NRF1: variants seen among roughly 807,000 people sequenced by gnomAD.
The protein encoded by NRF1 is nuclear respiratory factor 1.
A neutral mutation model predicts 58.5 loss-of-function variants in NRF1; 5 were observed. The ratio of observed to expected loss-of-function variants is 0.09; its 90% CI spans 0.04 to 0.18. The LOEUF is 0.18. Ranked by LOEUF, NRF1 falls within the 10% of genes least tolerant of loss-of-function variation. The probability of loss-of-function intolerance (pLI) is 1.00; values close to 1 mark genes in which losing one functional copy is unlikely to be tolerated. For missense variants in NRF1, 288 were observed against 657.7 expected, an observed-to-expected ratio of 0.44 and a Z score of 6.15; for synonymous variants, 224 against 246.7, an observed-to-expected ratio of 0.91 and a Z score of 0.86.
In NRF1 at chr7:129,611,764, G is replaced by A; in HGVS notation, c.-67G>A. The A allele has an allele frequency of 3.3e-6, 1 of 300,854 alleles. No homozygotes were observed. Among genetic ancestry groups the A allele is most frequent in the Non-Finnish European group, 6.1e-6 (1 of 163,374 alleles). The allele number at this position is 300,854 out of a possible 1,614,324, so 18.6% of individuals were successfully genotyped here. On this transcript the variant is annotated 5_prime_UTR_variant, in exon 1 of 11. Transcript: ENST00000393232. ...ATTGCCGCTGGTGGCAGGAGGCTGC[G>A]AGGAGCCGGCGCGGTCGCAGTCTCC... is the stretch of plus-strand genomic sequence containing the variant.
rs529908563 is a variant in NRF1 at position 129,697,294 on chromosome 7, A to G, written c.606+6748A>G. Among the ~76,000 whole-genome samples, 91 of 152,148 alleles carry G rather than the reference A, an allele frequency of 6.0e-4. 2 individuals are homozygous for G. The South Asian group carries it at 0.016, about 26-fold the overall frequency. On this transcript the variant is annotated intron_variant, in intron 5 of 10. Transcript: ENST00000393232. Reference sequence around the variant, plus strand: ...CGCGGTGGCTCACGCATGTAATCCCAGCACTTTGGGAGGCTGAGGTGGGCA... The same window carrying G: ...CGCGGTGGCTCACGCATGTAATCCCGGCACTTTGGGAGGCTGAGGTGGGCA...
intron 1 of NRF1, among the ~76,000 whole-genome samples, chr7:129,612,126 G>C (rs1466748303): frequency 6.6e-6 from 1 of 150,532 alleles, no homozygotes; most frequent in East Asian, 1.9e-4. Context: ...TGGGGCTCTC[G>C]GGGCCGCGGC....
chr7:129,718,899 A>C (rs1803251430), intron 9 of NRF1, among the ~76,000 whole-genome samples: 1 of 152,238 alleles, frequency 6.6e-6, no homozygotes, highest in South Asian at 2.1e-4. Context: ...GATAAGACTC[A>C]TCACACAGAA....
chr7:129,674,366 A>G lies in NRF1; in HGVS notation c.338+2823A>G, dbSNP rs899167683. Among the ~76,000 whole-genome samples, 11 of 152,092 alleles carry G rather than the reference A, an allele frequency of 7.2e-5. 1 individual carries two copies. The highest frequency in any genetic ancestry group is 3.9e-4 in the Admixed American group (6 of 15,266). On this transcript the variant is annotated intron_variant, in intron 3 of 10. Transcript: ENST00000393232. ...CAGTACATAAAAAAGTTGTGTTAAC[A>G]CTATACTCTGTTAAGTGTTGCAGTG...
chr7:129,727,924 T>G (rs992561704), intron 10 of NRF1, among the ~76,000 whole-genome samples: 3 of 152,194 alleles, frequency 2.0e-5, no homozygotes, highest in African/African-American at 7.2e-5. Context: ...ACCCTGAGCT[T>G]CTTCCCCAGC....
chr7:129,665,954 C>A (rs1801912084), intron 2 of NRF1, among the ~76,000 whole-genome samples: 1 of 152,242 alleles, frequency 6.6e-6, no homozygotes, highest in East Asian at 1.9e-4. Context: ...TTTATTATTT[C>A]ATTTTCTTTG....
chr7:129,727,304 C>A lies in NRF1; in HGVS notation c.1287C>A (p.Ile429=), dbSNP rs756500940. The part of the protein sequence containing the change: ...AEATLQGGGQ[I]VLSGETAAAV... ...CCACCTTACAAGGTGGGGGACAGAT[C>A]GTCTTGTCTGGGGAAACCGCAGCAG... The change falls in exon 10 of 11, where the codon ATC becomes ATA. Residue 429 remains isoleucine, a synonymous_variant. Coordinates refer to ENST00000393232, the MANE Select transcript of NRF1 (RefSeq NM_005011.5). 2 of 1,609,818 alleles carry A rather than the reference C, an allele frequency of 1.2e-6. No individual in the cohort carries two copies. The highest frequency in any genetic ancestry group is 1.7e-6 in the Non-Finnish European group (2 of 1,178,630).
intron 8 of NRF1, among the ~76,000 whole-genome samples, 199 bp downstream of exon 8, chr7:129,711,775 A>G (rs1803079941): frequency 6.6e-6 from 1 of 152,218 alleles, no homozygotes; most frequent in Non-Finnish European, 1.5e-5. Context: ...TTCATGGATT[A>G]GTATGTCAGG....
At chr7:129,619,459 C>CAG (rs1554401510) in intron 1 of NRF1, among the ~76,000 whole-genome samples, 1 of 61,158 alleles carries the variant, frequency 1.6e-5, no homozygotes, top group African/African-American at 7.5e-5. Flanking sequence ...TATATATACA[C>CAG]GTGTGTGTGT....
At chr7:129,685,554 CAA>C (rs1217284493) in intron 4 of NRF1, among the ~76,000 whole-genome samples, 1 of 135,756 alleles carries the variant, frequency 7.4e-6, no homozygotes, top group East Asian at 2.2e-4. Context: ...CTGTCTCATT[CAA>C]GTGTGTGTGT....
intron 4 of NRF1, among the ~76,000 whole-genome samples, chr7:129,686,354 G>T (rs1314815439): frequency 6.6e-6 from 1 of 152,176 alleles, no homozygotes; most frequent in Non-Finnish European, 1.5e-5. Context: ...TGGAAAGATT[G>T]AAATGCTGGC....
intron 8 of NRF1, 147 bp downstream of exon 8, chr7:129,711,723 G>C (rs191117817): frequency 1.5e-5 from 9 of 614,764 alleles, no homozygotes; most frequent in African/African-American, 1.9e-5. Flanking sequence ...GAAAGTTTTA[G>C]AAAGTGTCTT....
Position 129,756,376 on chromosome 7 carries a change from A to T in NRF1, c.*1195A>T, listed in dbSNP as rs1804254723. The T allele has an allele frequency of 6.6e-6, 1 of 152,260 alleles. No homozygotes were observed. Among genetic ancestry groups the T allele is most frequent in the Admixed American group, 6.5e-5 (1 of 15,284 alleles). The allele number at this position is 152,260 out of a possible 1,614,324, so 9.4% of individuals were successfully genotyped here. A position where few individuals can be genotyped will look rare whatever the true frequency, so the allele number is the denominator to read the frequency against. ...GGAAGAAGGGACACCTGGCCATAGA[A>T]AACAGCTGAGGGTGTTTGCTGTGTT... On this transcript the variant is annotated 3_prime_UTR_variant, in exon 11 of 11. Coordinates refer to ENST00000393232, the MANE Select transcript of NRF1 (RefSeq NM_005011.5).
At chr7:129,631,368 C>T (rs932171965) in intron 1 of NRF1, among the ~76,000 whole-genome samples, 6 of 151,960 alleles carry the variant, frequency 3.9e-5, no homozygotes, top group Non-Finnish European at 8.8e-5. Context: ...CACAAGCGTG[C>T]GCCACCATGC....
At chr7:129,684,808 A>G (rs1802408178) in intron 4 of NRF1, among the ~76,000 whole-genome samples, 1 of 152,212 alleles carries the variant, frequency 6.6e-6, no homozygotes, top group Admixed American at 6.5e-5. Flanking sequence ...TAACTATTTA[A>G]CACTATTGGA....
At chr7:129,695,989 G>A (rs527482262) in intron 5 of NRF1, among the ~76,000 whole-genome samples, 7 of 148,044 alleles carry the variant, frequency 4.7e-5, no homozygotes, top group Non-Finnish European at 1.0e-4. Flanking sequence ...TTGGGAGGCC[G>A]AGGCAGGTGG....
At chr7:129,659,822 A>G (rs6953077) in intron 2 of NRF1, among the ~76,000 whole-genome samples, 29,058 of 152,044 alleles carry the variant, frequency 0.19, 3,038 homozygotes, top group East Asian at 0.47. Flanking sequence ...CCTCACTTGT[A>G]TGTCTCTTAA....
chr7:129,679,029 TTCCA>T (rs1802245884), intron 4 of NRF1, among the ~76,000 whole-genome samples: 1 of 152,080 alleles, frequency 6.6e-6, no homozygotes, highest in Non-Finnish European at 1.5e-5. Context: ...AGAATATATC[TTCCA>T]GAGCACCGAA....
intron 5 of NRF1, among the ~76,000 whole-genome samples, chr7:129,696,273 T>G (rs989850355): frequency 4.6e-5 from 7 of 151,948 alleles, no homozygotes; most frequent in African/African-American, 1.7e-4. Flanking sequence ...ATAAATAAAG[T>G]GCAAAGTTTG....
Sources: allele counts gnomAD v4.1 joint callset (sites outside exome capture counted in the v4.1 genomes callset), GRCh38; gene constraint gnomAD v4.1.1; transcripts MANE v1.5; gene names NCBI Gene and HGNC (gene_info 2026-07-23, HGNC 2026-07-21).